DCTN2: variants seen among roughly 807,000 people sequenced by gnomAD.
DCTN2 encodes 50 kDa dynein-associated polypeptide.
A neutral mutation model predicts 55.4 loss-of-function variants in DCTN2; 18 were observed. That is an observed-to-expected ratio of 0.32 (90% CI 0.22 to 0.48). The LOEUF is 0.48. DCTN2 is among the 20% of genes least tolerant of loss of function. The pLI is 0.99. For synonymous variants in DCTN2, 168 were observed against 185.2 expected (o/e 0.91, Z 0.76); for missense variants, 390 against 491.0 (o/e 0.79, Z 1.94).
chr12:57,532,722 C>G lies in DCTN2; in HGVS notation c.852+11G>C, dbSNP rs1042164454. On this transcript the variant is annotated intron_variant, in intron 10 of 13. Coordinates refer to ENST00000548249, the MANE Select transcript of DCTN2 (RefSeq NM_001261413.2). ...AGCTATCCATAATTTAATTTTCCCT[C>G]CATTTAATACCTGTAGCCGAGCCTC... The G allele has an allele frequency of 2.5e-6, 4 of 1,613,798 alleles. No individual in the cohort carries two copies. The highest frequency in any genetic ancestry group is 3.4e-6 in the Non-Finnish European group (4 of 1,179,882).
At chr12:57,538,628 A>T in intron 2 of DCTN2, 1 of 694,250 alleles carries the variant, frequency 1.4e-6, no homozygotes, top group South Asian at 1.5e-5. Context: ...GTTATTAGCA[A>T]ATTGTCACAT....
intron 2 of DCTN2, among the ~76,000 whole-genome samples, chr12:57,542,093 G>T (rs930608928): frequency 6.6e-6 from 1 of 152,090 alleles, no homozygotes; most frequent in East Asian, 1.9e-4. Context: ...TAGCCAACAT[G>T]GTGAAACCCT....
In DCTN2 at chr12:57,547,111, G is replaced by A; in HGVS notation, c.-48C>T. ...GGACCCGGGCCTCGGTGGAGCCGGG[G>A]CCGGTGTTCGGGTAGGGGAGAGGCT... On this transcript the variant is annotated 5_prime_UTR_variant, in exon 1 of 14. Transcript: ENST00000548249. 1 of 1,252,306 alleles carries A rather than the reference G, an allele frequency of 8.0e-7. No individual in the cohort carries two copies. Among genetic ancestry groups the A allele is most frequent in the Non-Finnish European group, 1.0e-6 (1 of 988,902 alleles). 77.6% of individuals were successfully genotyped at this position (1,252,306 alleles called of 1,614,324 possible).
At position 57,546,005 on chromosome 12, in the gene DCTN2, T is replaced by C. The variant is rs772878488; in HGVS notation, c.105+23A>G. On this transcript the variant is annotated intron_variant, in intron 2 of 13. Coordinates refer to ENST00000548249, the MANE Select transcript of DCTN2 (RefSeq NM_001261413.2). ...GGAGAAAGGTCAGAGTCCGGAGGAGTCTGTGGCAGCACACATTCTTACCGC... is the reference window on the plus strand; with the variant it reads ...GGAGAAAGGTCAGAGTCCGGAGGAGCCTGTGGCAGCACACATTCTTACCGC... The C allele has an allele frequency of 5.6e-6, 9 of 1,610,758 alleles. No individual in the cohort carries two copies. The Admixed American group carries it at 1.0e-4, about 18-fold the overall frequency.
chr12:57,540,124 C>G, intron 2 of DCTN2: 1 of 985,260 alleles, frequency 1.0e-6, no homozygotes, highest in African/African-American at 1.7e-5. Context: ...GCTGGGATGT[C>G]TCTGCATAGA....
At chr12:57,534,923 G>A (rs1880100519) in intron 5 of DCTN2, 133 bp downstream of exon 5, 4 of 684,994 alleles carry the variant, frequency 5.8e-6, no homozygotes, top group South Asian at 5.6e-5. Context: ...GCCTGCCTCG[G>A]CCTCCCAAAG....
In DCTN2 at chr12:57,530,766, T is replaced by C. The variant is rs761069365; in HGVS notation, c.1129A>G (p.Thr377Ala). The stretch of plus-strand genomic sequence containing the variant: ...ACTGTGGCCAGGTTTTCACGCATGG[T>C]TGTCTGCACCTACAAAGTGGTAGAG... ...NTTLLTQVQT[T>A]MRENLATVEG... The change falls in exon 14 of 14, where the codon ACC becomes GCC. Residue 377 changes from threonine (T) to alanine (A), a missense_variant. Transcript: ENST00000548249. 6.2e-7 allele frequency: 1 copy of C among 1,613,778 alleles called. No individual in the cohort carries two copies. Among genetic ancestry groups the C allele is most frequent in the Admixed American group, 1.7e-5 (1 of 60,022 alleles).
chr12:57,530,932 T>G (rs1879636270), intron 13 of DCTN2, among the ~76,000 whole-genome samples, 157 bp from the exon 14 acceptor site: 1 of 152,146 alleles, frequency 6.6e-6, no homozygotes, highest in African/African-American at 2.4e-5. Context: ...CAAGCTACCC[T>G]TAGAGTACAT....
chr12:57,538,537 C>G (rs760167813), intron 2 of DCTN2: 1 of 758,096 alleles, frequency 1.3e-6, no homozygotes, highest in Non-Finnish European at 2.4e-6. Context: ...TGTGGTTTCC[C>G]CAGAGGTGAG....
At chr12:57,532,837 C>G (rs1277885504) in intron 9 of DCTN2, 27 bp from the exon 10 acceptor site, 2 of 1,613,600 alleles carry the variant, frequency 1.2e-6, no homozygotes, top group South Asian at 2.2e-5. Context: ...GGACAAGCAT[C>G]ATGAAGAGGA....
chr12:57,533,094 T>A, intron 8 of DCTN2, 72 bp from the exon 9 acceptor site: 1 of 1,559,330 alleles, frequency 6.4e-7, no homozygotes, highest in Non-Finnish European at 8.7e-7. Context: ...CCATCTTTCC[T>A]GGTTCTAGCT....
chr12:57,547,175 G>T lies in DCTN2; in HGVS notation c.-112C>A. On this transcript the variant is annotated 5_prime_UTR_variant, in exon 1 of 14. Coordinates refer to ENST00000548249, the MANE Select transcript of DCTN2 (RefSeq NM_001261413.2). ...GGGCTAAGGCGGCGGCAAAGGGAGC[G>T]GCAGATGAGCAGGAAGTCTCGCGAC... The T allele has an allele frequency of 2.3e-6, 2 of 871,996 alleles. No individual in the cohort carries two copies. Among genetic ancestry groups the T allele is most frequent in the African/African-American group, 1.8e-5 (1 of 57,134 alleles). 54.0% of individuals were successfully genotyped at this position (871,996 alleles called of 1,614,324 possible).
chr12:57,538,044 A>T (rs536699366), intron 2 of DCTN2, among the ~76,000 whole-genome samples: 1 of 152,340 alleles, frequency 6.6e-6, no homozygotes, highest in South Asian at 2.1e-4. Flanking sequence ...GAAAAAAATT[A>T]ATCATAGCTA....
chr12:57,539,428 G>T (rs1213019083), intron 2 of DCTN2, among the ~76,000 whole-genome samples: 1 of 152,178 alleles, frequency 6.6e-6, no homozygotes, highest in African/African-American at 2.4e-5. Context: ...GATTCACAGG[G>T]GTTGGAGGGT....
At position 57,534,394 on chromosome 12, in the gene DCTN2, T is replaced by C. The variant is rs1213295104; in HGVS notation, c.422A>G (p.Gln141Arg). ...CAGCTGCTGCTTCAGGGCTGCCAGC[T>C]GTTTAGCCAGCAACACAGGGGTCAG... ...EKLTPVLLAKQLAALKQQLVA... is the reference protein window; with the variant it reads ...EKLTPVLLAKRLAALKQQLVA... Residue 141 changes from glutamine to arginine, a missense_variant, in exon 6 of 14, where the codon CAG (glutamine) becomes CGG (arginine). Gln to Arg is a conservative substitution (Grantham distance 43, BLOSUM62 1). This residue lies in a region of DCTN2 where 117 missense variants were observed against 187.8 expected (regional missense o/e 0.62). Coordinates refer to ENST00000548249, the MANE Select transcript of DCTN2 (RefSeq NM_001261413.2). 1.2e-6 allele frequency: 2 copies of C among 1,612,630 alleles called. No homozygotes were observed. Among genetic ancestry groups the C allele is most frequent in the Admixed American group, 3.3e-5 (2 of 59,928 alleles).
rs376936088 is a variant in DCTN2 at position 57,534,404 on chromosome 12, G to A, written c.412C>T (p.Leu138=). ...ATEEKLTPVL[L]AKQLAALKQQ... is the part of the protein sequence containing the mutation. ...TTCAGGGCTGCCAGCTGTTTAGCCA[G>A]CAACACAGGGGTCAGCTTCTCCTCT... is the stretch of plus-strand genomic sequence containing the variant. The change falls in exon 6 of 14, where the codon CTG becomes TTG. Residue 138 remains leucine, a synonymous_variant. Transcript: ENST00000548249. The A allele has an allele frequency of 1.7e-5, 28 of 1,612,228 alleles. No individual in the cohort carries two copies. Among genetic ancestry groups the A allele is most frequent in the Non-Finnish European group, 2.4e-5 (28 of 1,178,952 alleles).
At chr12:57,533,880 T>G in intron 7 of DCTN2, 73 bp downstream of exon 7, 4 of 1,469,286 alleles carry the variant, frequency 2.7e-6, no homozygotes, top group Non-Finnish European at 2.7e-6. Context: ...ACCCTCTCCT[T>G]GGAGAGAGGC....
chr12:57,532,504 A>C (rs1227357450), intron 11 of DCTN2, 68 bp downstream of exon 11: 1 of 1,545,394 alleles, frequency 6.5e-7, no homozygotes, highest in East Asian at 2.2e-5. Context: ...GTGTGTTCTC[A>C]TGCTTTGACA....
Position 57,532,206 on chromosome 12 carries a change from C to T in DCTN2, c.1027+7G>A. The T allele has an allele frequency of 6.4e-7, 1 of 1,553,442 alleles. No homozygotes were observed. Among genetic ancestry groups the T allele is most frequent in the Non-Finnish European group, 8.7e-7 (1 of 1,147,912 alleles). ...TCTCTTAGCACTCCTGGCAGCTGGCCTCCCACCTTGCTCGTGCAGCTGCTT... is the reference window on the plus strand; with the variant it reads ...TCTCTTAGCACTCCTGGCAGCTGGCTTCCCACCTTGCTCGTGCAGCTGCTT... On this transcript the variant is annotated splice_region_variant and intron_variant, in intron 12 of 13. Coordinates refer to ENST00000548249, the MANE Select transcript of DCTN2 (RefSeq NM_001261413.2).
Sources: allele counts gnomAD v4.1 joint callset (sites outside exome capture counted in the v4.1 genomes callset), GRCh38; gene constraint gnomAD v4.1.1; regional missense constraint gnomAD v4.1.1; transcripts MANE v1.5; gene names NCBI Gene and HGNC (gene_info 2026-07-23, HGNC 2026-07-21).